CARHSP1: variants seen among roughly 807,000 people sequenced by gnomAD.
The protein encoded by CARHSP1 is calcium-regulated heat-stable protein 1.
Under a neutral mutation model 12.5 loss-of-function variants are expected in CARHSP1, and 14 were observed. The ratio of observed to expected loss-of-function variants is 1.12; its 90% CI spans 0.74 to 1.75. The LOEUF is 1.75. Ranked by LOEUF, CARHSP1 falls within the 40% of genes most tolerant of loss-of-function variation. The probability of loss-of-function intolerance (pLI) is 0.00; values close to 1 mark genes in which losing one functional copy is unlikely to be tolerated. For synonymous variants in CARHSP1, 161 were observed against 82.0 expected (o/e 1.96, Z -5.20); for missense variants, 343 against 201.6 (o/e 1.70, Z -4.25).
At chr16:8,857,048 G>C (rs2061139921) in intron 3 of CARHSP1, among the ~76,000 whole-genome samples, 1 of 152,158 alleles carries the variant, frequency 6.6e-6, no homozygotes, top group Admixed American at 6.5e-5. Flanking sequence ...AAGGAGGGCA[G>C]GAAGCTGGAC....
intron 3 of CARHSP1, among the ~76,000 whole-genome samples, chr16:8,856,442 A>G (rs918954753): frequency 3.2e-4 from 49 of 152,316 alleles, no homozygotes; most frequent in African/African-American, 1.2e-3. Flanking sequence ...ACCAGACATC[A>G]CAATATTTCC....
intron 1 of CARHSP1, chr16:8,861,537 A>G: frequency 9.0e-7 from 1 of 1,111,066 alleles, no homozygotes; most frequent in Non-Finnish European, 1.2e-6. Context: ...CTCAGAGGAG[A>G]AGGGATGCCC....
chr16:8,866,721 A>G (rs1298888836), intron 1 of CARHSP1, among the ~76,000 whole-genome samples: 2 of 56,776 alleles, frequency 3.5e-5, no homozygotes, highest in Non-Finnish European at 7.3e-5. Flanking sequence ...ACACGAAGGG[A>G]TGGGGGTTGG....
chr16:8,867,078 T>C (rs1596331728), intron 1 of CARHSP1, among the ~76,000 whole-genome samples: 2 of 152,014 alleles, frequency 1.3e-5, no homozygotes, highest in Non-Finnish European at 2.9e-5. Context: ...AGGGAGACGG[T>C]CACCCCACCG....
At chr16:8,864,733 G>A (rs1033810091) in intron 1 of CARHSP1, among the ~76,000 whole-genome samples, 1 of 152,196 alleles carries the variant, frequency 6.6e-6, no homozygotes, top group Non-Finnish European at 1.5e-5. Context: ...GCCCAGGGTG[G>A]TGGGGGCAGG....
chr16:8,866,298 C>T (rs2061453667), intron 1 of CARHSP1: 1 of 354,498 alleles, frequency 2.8e-6, no homozygotes, highest in African/African-American at 2.2e-5. Flanking sequence ...GTCCCTGACC[C>T]AGGGAACACG....
At chr16:8,861,748 C>T in intron 1 of CARHSP1, 1 of 1,285,312 alleles carries the variant, frequency 7.8e-7, no homozygotes, top group South Asian at 1.2e-5. Flanking sequence ...AAGGCCCCAG[C>T]TGCTGGCCTG....
intron 2 of CARHSP1, 95 bp downstream of exon 2, chr16:8,859,076 G>A (rs1409309631): frequency 3.2e-6 from 4 of 1,263,602 alleles, no homozygotes; most frequent in South Asian, 3.1e-5. Context: ...GGCAGTCCGG[G>A]ACATAGGCCC....
At chr16:8,861,694 C>T (rs903901498) in intron 1 of CARHSP1, 35 of 1,289,018 alleles carry the variant, frequency 2.7e-5, no homozygotes, top group East Asian at 1.7e-4. Context: ...GCTACAGCCG[C>T]GGCCAAGGAG....
chr16:8,859,007 A>G (rs972859244), intron 2 of CARHSP1, 164 bp downstream of exon 2: 37 of 588,398 alleles, frequency 6.3e-5, no homozygotes, highest in African/African-American at 6.0e-4. Flanking sequence ...CTGAATTTAC[A>G]AGGCGCCTTC....
intron 3 of CARHSP1, among the ~76,000 whole-genome samples, chr16:8,857,120 G>T (rs2061142952): frequency 6.6e-6 from 1 of 152,028 alleles, no homozygotes; most frequent in Non-Finnish European, 1.5e-5. Context: ...GATATAATGG[G>T]CACTCGGACT....
At chr16:8,856,443 C>A (rs1286441714) in intron 3 of CARHSP1, among the ~76,000 whole-genome samples, 1 of 152,204 alleles carries the variant, frequency 6.6e-6, no homozygotes. Context: ...CCAGACATCA[C>A]AATATTTCCA....
chr16:8,857,422 A>T, intron 3 of CARHSP1: 1 of 144,222 alleles, frequency 6.9e-6, no homozygotes, highest in East Asian at 2.0e-4. Context: ...AGCTGGGATT[A>T]CAGGCACCCG....
chr16:8,856,548 T>A (rs2061116530), intron 3 of CARHSP1, among the ~76,000 whole-genome samples: 1 of 151,396 alleles, frequency 6.6e-6, no homozygotes, highest in African/African-American at 2.4e-5. Context: ...CCCTTACACA[T>A]CCATGTATGC....
In CARHSP1 at chr16:8,863,112, C is replaced by CTTTTTTTTTTT. The variant is rs71155412; in HGVS notation, c.-7-3788_-7-3778dup. Among the ~76,000 whole-genome samples the CTTTTTTTTTTT allele has an allele frequency of 5.1e-4, 38 of 74,144 alleles. 3 individuals are homozygous for CTTTTTTTTTTT. The highest frequency in any genetic ancestry group is 2.0e-3 in the African/African-American group (34 of 17,170). The allele number at this position is 74,144 out of a possible 152,430, so 48.6% of individuals were successfully genotyped here. A position where few individuals can be genotyped will look rare whatever the true frequency, so the allele number is the denominator to read the frequency against. ...GGTCCAGGAATGGCCACAAGGATGG[C>CTTTTTTTTTTT]TTTTTTTTTTTTTTTTTTTTTTTTT... On this transcript the variant is annotated intron_variant, in intron 1 of 3. Transcript: ENST00000311052.
intron 1 of CARHSP1, chr16:8,866,294 G>T: frequency 3.1e-6 from 1 of 322,106 alleles, no homozygotes; most frequent in East Asian, 1.7e-4. Flanking sequence ...AGCTGTCCCT[G>T]ACCCAGGGAA....
At chr16:8,863,596 A>AC (rs1230352888) in intron 1 of CARHSP1, among the ~76,000 whole-genome samples, 2 of 152,088 alleles carry the variant, frequency 1.3e-5, no homozygotes, top group African/African-American at 4.8e-5. Context: ...CAACTGGGAG[A>AC]CCCAGGAGCT....
At chr16:8,855,461 A>C in intron 3 of CARHSP1, 135 bp from the exon 4 acceptor site, 1 of 700,928 alleles carries the variant, frequency 1.4e-6, no homozygotes, top group East Asian at 3.3e-5. Flanking sequence ...CCTCTTTCCA[A>C]AGAACTGCCC....
chr16:8,858,267 C>T (rs2061215798), intron 3 of CARHSP1, 83 bp downstream of exon 3: 9 of 1,514,870 alleles, frequency 5.9e-6, no homozygotes, highest in Admixed American at 1.9e-5. Flanking sequence ...CAGCGCCCAT[C>T]AGAGTCACAC....
Sources: gnomAD v4.1 joint callset for allele counts (sites outside exome capture counted in the v4.1 genomes callset) on GRCh38, gnomAD v4.1.1 for gene constraint, MANE v1.5 for transcripts, NCBI Gene and HGNC (gene_info 2026-07-23, HGNC 2026-07-21) for gene names.